The following FN1 variants were observed in gnomAD, a reference collection of about 807,000 sequenced individuals.
FN1 encodes fibronectin 1.
FN1 carries 106 observed loss-of-function variants against 297.3 expected under a neutral mutation model. That is an observed-to-expected ratio of 0.36 (90% CI 0.30 to 0.42). The LOEUF is 0.42. Among genes scored for constraint, FN1 ranks in the 10% least tolerant of loss-of-function variants. The pLI, the probability that FN1 is intolerant of heterozygous loss-of-function variation, is 1.00. For synonymous variants in FN1, 1,149 were observed against 1,152.6 expected, an observed-to-expected ratio of 1.00 and a Z score of 0.06; for missense variants, 2,690 against 3,124.9, an observed-to-expected ratio of 0.86 and a Z score of 3.32.
At chr2:215,429,108 C>G (rs775652351) in intron 5 of FN1, among the ~76,000 whole-genome samples, 1 of 152,118 alleles carries the variant, frequency 6.6e-6, no homozygotes, top group Non-Finnish European at 1.5e-5. Flanking sequence ...GGGTCTTCAC[C>G]AATGGCTACA....
chr2:215,362,445 T>C (rs1482331795), intron 44 of FN1: 3 of 285,840 alleles, frequency 1.0e-5, no homozygotes, highest in Non-Finnish European at 2.0e-5. Context: ...TAAAAGGGAC[T>C]TGAGATCACA....
In FN1 at chr2:215,428,256, G is replaced by A; in HGVS notation, c.768C>T (p.Leu256=). The change falls in exon 6 of 46, where the codon CTC becomes CTT. Residue 256 remains leucine, a synonymous_variant. Transcript: ENST00000354785. ...GGCCGTTGCCTGTGCAGATGCACTG[G>A]AGCAGGTTTCCTCGATTATCCTTCT... is the stretch of plus-strand genomic sequence containing the variant. ...WSKKDNRGNL[L]QCICTGNGRG... The A allele has an allele frequency of 1.2e-6, 2 of 1,614,184 alleles. No individual in the cohort carries two copies. Among genetic ancestry groups the A allele is most frequent in the Non-Finnish European group, 1.7e-6 (2 of 1,180,020 alleles).
At chr2:215,397,889 T>C (rs1338308418) in intron 21 of FN1, 41 bp from the exon 22 acceptor site, 2 of 1,581,646 alleles carry the variant, frequency 1.3e-6, no homozygotes, top group Admixed American at 1.7e-5. Flanking sequence ...GGACAAATAT[T>C]TCCAGAGGAC....
intron 36 of FN1, 65 bp from the exon 37 acceptor site, chr2:215,375,783 G>A: frequency 2.8e-6 from 3 of 1,072,230 alleles, no homozygotes; most frequent in Non-Finnish European, 4.3e-6. Context: ...TCTCAAGCTA[G>A]CCTGCAATTT....
At chr2:215,394,763 G>GCA in intron 23 of FN1, 44 bp from the exon 24 acceptor site, 2 of 1,485,914 alleles carry the variant, frequency 1.3e-6, no homozygotes, top group Non-Finnish European at 1.9e-6. Flanking sequence ...GAGGATCTGT[G>GCA]AGCCAGAGCA....
At chr2:215,398,950 T>C (rs1334802627) in intron 21 of FN1, among the ~76,000 whole-genome samples, 1 of 152,214 alleles carries the variant, frequency 6.6e-6, no homozygotes, top group African/African-American at 2.4e-5. Flanking sequence ...AGTTTTCCCA[T>C]GTTTTTTTGA....
chr2:215,406,767 A>G (rs146330379), intron 18 of FN1, among the ~76,000 whole-genome samples: 75 of 152,356 alleles, frequency 4.9e-4, no homozygotes, highest in African/African-American at 1.7e-3. Flanking sequence ...GGAGAGGGTT[A>G]TAAGAAAAGA....
At chr2:215,389,402 T>A (rs1202220220) in intron 26 of FN1, among the ~76,000 whole-genome samples, 1 of 151,420 alleles carries the variant, frequency 6.6e-6, no homozygotes, top group Non-Finnish European at 1.5e-5. Flanking sequence ...TGTGCCCAGC[T>A]TCTTCTTCCA....
At position 215,361,526 on chromosome 2, in the gene FN1, T is replaced by C. The variant is rs745904933; in HGVS notation, c.*29A>G. ...TTAGATGGATCTTGGCAGAGAGACA[T>C]GCTTGTTCCTCTGGATTGGAAAGAT... On this transcript the variant is annotated 3_prime_UTR_variant, in exon 46 of 46. Transcript: ENST00000354785. The C allele has an allele frequency of 6.8e-7, 1 of 1,474,864 alleles. No homozygotes were observed. Among genetic ancestry groups the C allele is most frequent in the East Asian group, 2.3e-5 (1 of 44,156 alleles). 91.4% of individuals were successfully genotyped at this position (1,474,864 alleles called of 1,614,324 possible).
chr2:215,424,107 GT>G, intron 8 of FN1, 38 bp downstream of exon 8: 4 of 1,602,110 alleles, frequency 2.5e-6, no homozygotes, highest in Non-Finnish European at 2.6e-6. Flanking sequence ...ATGAAAGTGA[GT>G]TTTTCTCACT....
In FN1 at chr2:215,391,789, T is replaced by C; in HGVS notation, c.4095A>G (p.Arg1365=). ...TGGTGTCTGGACCAATGTTGGTGAA[T>C]CGCAGGTCAGTGGGAGGAGGAACAG... ...QTAVPPPTDL[R]FTNIGPDTMR... is the part of the protein sequence containing the mutation. Residue 1365 remains arginine (R), a synonymous_variant, in exon 26 of 46, where the codon CGA becomes CGG. Transcript: ENST00000354785. The C allele has an allele frequency of 6.2e-7, 1 of 1,614,086 alleles. No homozygotes were observed. Among genetic ancestry groups the C allele is most frequent in the Non-Finnish European group, 8.5e-7 (1 of 1,179,988 alleles).
At position 215,408,182 on chromosome 2, in the gene FN1, G is replaced by A. The variant is rs1224741906; in HGVS notation, c.2444C>T (p.Pro815Leu). ...TSQTTAPDAP[P>L]DTTVDQVDDT... The stretch of plus-strand genomic sequence containing the variant: ...ATCAACTTGGTCCACAGTCGTGTCA[G>A]GAGGGGCATCAGGCGCTAAGAAAGA... Residue 815 changes from proline to leucine, a missense_variant, in exon 17 of 46, where the codon CCT becomes CTT. By Grantham distance (98) the Pro-to-Leu change is moderately conservative. Transcript: ENST00000354785. 6.2e-7 allele frequency: 1 copy of A among 1,614,054 alleles called. No individual in the cohort carries two copies. The highest frequency in any genetic ancestry group is 1.7e-5 in the Admixed American group (1 of 60,004).
At chr2:215,373,287 T>C in intron 39 of FN1, 35 bp downstream of exon 39, 1 of 1,523,886 alleles carries the variant, frequency 6.6e-7, no homozygotes, top group African/African-American at 1.4e-5. Flanking sequence ...AGTTTTGTCC[T>C]ATCTTTCTCC....
intron 33 of FN1, chr2:215,380,527 A>G (rs1235068221): frequency 4.7e-5 from 22 of 467,468 alleles, no homozygotes; most frequent in Admixed American, 1.4e-4. Context: ...ACAGGGAGTC[A>G]GAGCTTAGGA....
chr2:215,378,884 A>G (rs2057767310), intron 34 of FN1, among the ~76,000 whole-genome samples: 1 of 152,230 alleles, frequency 6.6e-6, no homozygotes, highest in Admixed American at 6.5e-5. Flanking sequence ...ACCTTTTAAA[A>G]TAAGCACAAT....
Position 215,384,123 on chromosome 2 carries a change from G to A in FN1, c.4791C>T (p.Ser1597=), listed in dbSNP as rs374970848. Residue 1597 remains serine (S), a synonymous_variant, in exon 30 of 46, where the codon AGC becomes AGT. Transcript: ENST00000354785. ...VPGSKSTATI[S]GLKPGVDYTI... is the part of the protein sequence containing the mutation. ...TATAATCAACTCCAGGTTTAAGGCC[G>A]CTGATGGTAGCTGTAGACTTGCTCC... 302 of 1,613,962 alleles carry A rather than the reference G, an allele frequency of 1.9e-4. 1 individual carries two copies. The highest frequency in any genetic ancestry group is 8.5e-4 in the Admixed American group (51 of 60,002).
rs2057851093 is a variant in FN1, at chr2:215,379,327, T to C, written c.5435-10A>G. The C allele has an allele frequency of 6.2e-7, 1 of 1,613,110 alleles. No homozygotes were observed. Among genetic ancestry groups the C allele is most frequent in the Non-Finnish European group, 8.5e-7 (1 of 1,179,216 alleles). ...GTTGGTGCAGGAATAGCTGTCGAGA[T>C]TGTCATTGGTTAGAGGTTATCTTAT... On this transcript the variant is annotated splice_polypyrimidine_tract_variant and intron_variant, in intron 33 of 45. Coordinates refer to ENST00000354785, the MANE Select transcript of FN1 (RefSeq NM_212482.4).
chr2:215,423,777 C>A (rs538401567), intron 8 of FN1, among the ~76,000 whole-genome samples: 5 of 151,182 alleles, frequency 3.3e-5, no homozygotes, highest in African/African-American at 1.2e-4. Flanking sequence ...TAAATGATAG[C>A]TTTGAATAAA....
chr2:215,398,850 C>T (rs1042078275), intron 21 of FN1, among the ~76,000 whole-genome samples: 1 of 152,132 alleles, frequency 6.6e-6, no homozygotes, highest in Non-Finnish European at 1.5e-5. Flanking sequence ...GATGAAAATG[C>T]GATTTTTAAG....
Sources: allele counts gnomAD v4.1 joint callset (sites outside exome capture counted in the v4.1 genomes callset), GRCh38; gene constraint gnomAD v4.1.1; transcripts MANE v1.5; gene names NCBI Gene and HGNC (gene_info 2026-07-23, HGNC 2026-07-21).